The following TBCK variants were observed in gnomAD, a reference collection of about 807,000 sequenced individuals.
TBCK encodes TBC domain-containing protein kinase-like protein.
Under a neutral mutation model 113.4 loss-of-function variants are expected in TBCK, and 99 were observed. The observed-to-expected ratio is 0.87, with a 90% CI of 0.74 to 1.03. TBCK has a LOEUF of 1.03. Ranked by LOEUF, TBCK falls within the 50% of genes least tolerant of loss-of-function variation. The pLI, the probability that TBCK is intolerant of heterozygous loss-of-function variation, is 0.00. For synonymous variants in TBCK, 369 were observed against 370.8 expected, an observed-to-expected ratio of 1.00 and a Z score of 0.05; for missense variants, 1,045 against 1,061.3, an observed-to-expected ratio of 0.98 and a Z score of 0.21.
chr4:106,114,611 C>A (rs73836989), intron 24 of TBCK, among the ~76,000 whole-genome samples: 1,882 of 152,250 alleles, frequency 0.012, 47 homozygotes, highest in African/African-American at 0.04. Flanking sequence ...TGGATACCTG[C>A]GTCTGACTGC....
At chr4:106,123,032 T>C (rs1315485112) in intron 23 of TBCK, among the ~76,000 whole-genome samples, 1 of 152,090 alleles carries the variant, frequency 6.6e-6, no homozygotes, top group Non-Finnish European at 1.5e-5. Flanking sequence ...CCAGGGCAAT[T>C]AGGCAGGAGA....
intron 22 of TBCK, among the ~76,000 whole-genome samples, chr4:106,187,537 C>T (rs1303535277): frequency 6.6e-6 from 1 of 152,082 alleles, no homozygotes; most frequent in African/African-American, 2.4e-5. Flanking sequence ...TTGCCTCAGC[C>T]TCCTGAGTAG....
intron 25 of TBCK, among the ~76,000 whole-genome samples, chr4:106,075,710 G>T (rs1228061249): frequency 6.6e-6 from 1 of 152,204 alleles, no homozygotes; most frequent in African/African-American, 2.4e-5. Context: ...GAAGCCTAGG[G>T]TTTAGTACAA....
intron 5 of TBCK, among the ~76,000 whole-genome samples, chr4:106,254,032 C>T (rs1761713302): frequency 6.6e-6 from 1 of 152,178 alleles, no homozygotes; most frequent in East Asian, 1.9e-4. Flanking sequence ...AAAAATATAG[C>T]ACCACGTATG....
chr4:106,069,751 C>T (rs1185450151), intron 25 of TBCK, among the ~76,000 whole-genome samples: 7 of 152,286 alleles, frequency 4.6e-5, no homozygotes, highest in South Asian at 2.1e-4. Context: ...GCCATTTTCA[C>T]GATATGGATT....
chr4:106,280,061 G>A (rs1287281111), intron 3 of TBCK, among the ~76,000 whole-genome samples: 2 of 152,088 alleles, frequency 1.3e-5, no homozygotes, highest in Admixed American at 6.6e-5. Flanking sequence ...TAGCGTAAAA[G>A]GGTTTCCTTT....
chr4:106,102,832 C>A (rs898403118), intron 24 of TBCK, among the ~76,000 whole-genome samples: 1 of 151,980 alleles, frequency 6.6e-6, no homozygotes, highest in South Asian at 2.1e-4. Flanking sequence ...GAGAAAGTTT[C>A]TTTTTTTTCC....
intron 25 of TBCK, among the ~76,000 whole-genome samples, chr4:106,081,939 A>T (rs1386058237): frequency 1.3e-5 from 2 of 152,228 alleles, no homozygotes; most frequent in Non-Finnish European, 2.9e-5. Context: ...CTATTACCAA[A>T]ATGTCAAAAC....
chr4:106,209,902 A>G (rs569895202), intron 20 of TBCK, among the ~76,000 whole-genome samples: 4 of 152,190 alleles, frequency 2.6e-5, no homozygotes, highest in South Asian at 2.1e-4. Context: ...ATTAGCTTAC[A>G]TTCTTTCTAT....
At chr4:106,240,824 G>A (rs1052945509) in intron 12 of TBCK, among the ~76,000 whole-genome samples, 21 of 152,100 alleles carry the variant, frequency 1.4e-4, no homozygotes, top group African/African-American at 4.6e-4. Flanking sequence ...TGAATAGCTA[G>A]AAAGATAGAC....
chr4:106,096,632 G>A (rs748447123), intron 24 of TBCK, among the ~76,000 whole-genome samples: 2 of 152,170 alleles, frequency 1.3e-5, no homozygotes, highest in African/African-American at 2.4e-5. Flanking sequence ...GAAAGGGTGA[G>A]CCTAGGTTGT....
At chr4:106,217,729 A>G (rs1472259756) in intron 19 of TBCK, among the ~76,000 whole-genome samples, 2 of 150,952 alleles carry the variant, frequency 1.3e-5, no homozygotes, top group Non-Finnish European at 3.0e-5. Flanking sequence ...GGATACAAAC[A>G]AATGGAAGAG....
intron 22 of TBCK, among the ~76,000 whole-genome samples, chr4:106,177,543 A>G (rs1367112524): frequency 6.6e-6 from 1 of 151,926 alleles, no homozygotes; most frequent in Non-Finnish European, 1.5e-5. Context: ...ATTAGTCTGC[A>G]TATGGAGATA....
At chr4:106,187,551 G>C (rs1156246666) in intron 22 of TBCK, among the ~76,000 whole-genome samples, 2 of 152,064 alleles carry the variant, frequency 1.3e-5, no homozygotes, top group Non-Finnish European at 2.9e-5. Context: ...TGAGTAGCCA[G>C]AATTACAGGC....
chr4:106,248,065 A>T, intron 9 of TBCK, 180 bp downstream of exon 9: 1 of 409,402 alleles, frequency 2.4e-6, no homozygotes. Flanking sequence ...AACTTTAATT[A>T]CTTTTTCATT....
intron 20 of TBCK, among the ~76,000 whole-genome samples, chr4:106,203,771 T>C (rs971341680): frequency 6.6e-6 from 1 of 152,050 alleles, no homozygotes; most frequent in Middle Eastern, 3.2e-3. Context: ...CAAAAAACTT[T>C]TCAAAATTTT....
intron 25 of TBCK, among the ~76,000 whole-genome samples, chr4:106,080,909 G>GT (rs1738779456): frequency 6.6e-6 from 1 of 152,066 alleles, no homozygotes; most frequent in Admixed American, 6.5e-5. Context: ...GCCAACGAAC[G>GT]TAAGGAAGAA....
intron 19 of TBCK, among the ~76,000 whole-genome samples, chr4:106,226,140 G>A (rs62318078): frequency 0.23 from 35,118 of 151,964 alleles, 4,922 homozygotes; most frequent in East Asian, 0.37. Flanking sequence ...CTCTAACCTG[G>A]GTGAAAGAGC....
chr4:106,258,687 GT>G (rs1762225619), intron 5 of TBCK, among the ~76,000 whole-genome samples: 1 of 151,836 alleles, frequency 6.6e-6, no homozygotes, highest in African/African-American at 2.4e-5. Context: ...TAATTTTTAG[GT>G]TTTTGGATTT....
Sources: allele counts gnomAD v4.1 joint callset (sites outside exome capture counted in the v4.1 genomes callset), GRCh38; gene constraint gnomAD v4.1.1; transcripts MANE v1.5; gene names NCBI Gene and HGNC (gene_info 2026-07-23, HGNC 2026-07-21).